DLGAP1: variants seen among roughly 807,000 people sequenced by gnomAD.
DLGAP1 encodes the protein disks large-associated protein 1.
Under a neutral mutation model 90.8 loss-of-function variants are expected in DLGAP1, and 11 were observed. That is an observed-to-expected ratio of 0.12 (90% CI 0.08 to 0.20). DLGAP1 has a LOEUF of 0.20. Ranked by LOEUF, DLGAP1 falls within the 10% of genes least tolerant of loss-of-function variation. The probability of loss-of-function intolerance (pLI) is 1.00; values close to 1 mark genes in which losing one functional copy is unlikely to be tolerated. For synonymous variants in DLGAP1, 558 were observed against 540.7 expected (o/e 1.03, Z -0.44); for missense variants, 1,050 against 1,333.8 (o/e 0.79, Z 3.31).
At chr18:3,930,985 C>T (rs544895807) in intron 3 of DLGAP1, among the ~76,000 whole-genome samples, 28 of 152,302 alleles carry the variant, frequency 1.8e-4, no homozygotes, top group Non-Finnish European at 2.9e-4. Context: ...TACCCGTCTC[C>T]ACCATTTTCT....
At chr18:4,142,612 G>C (rs1428878631) in intron 2 of DLGAP1, among the ~76,000 whole-genome samples, 1 of 152,146 alleles carries the variant, frequency 6.6e-6, no homozygotes, top group Non-Finnish European at 1.5e-5. Context: ...GACATAAAAA[G>C]TATAGAACGG....
At chr18:4,398,456 A>C (rs2082483196) in intron 1 of DLGAP1, among the ~76,000 whole-genome samples, 1 of 152,244 alleles carries the variant, frequency 6.6e-6, no homozygotes. Flanking sequence ...ATACCAACTG[A>C]AATTACACAT....
chr18:4,175,717 C>T (rs867291110), intron 1 of DLGAP1, among the ~76,000 whole-genome samples: 8 of 152,140 alleles, frequency 5.3e-5, no homozygotes, highest in East Asian at 3.9e-4. Flanking sequence ...TGTCAAAGAC[C>T]GGATGTTTAT....
At chr18:4,366,909 T>G (rs1351457405) in intron 1 of DLGAP1, among the ~76,000 whole-genome samples, 1 of 142,974 alleles carries the variant, frequency 7.0e-6, no homozygotes, top group African/African-American at 2.6e-5. Context: ...ATAGGCAAAT[T>G]ACAAAGTTAT....
At chr18:4,234,655 T>C (rs1376342861) in intron 1 of DLGAP1, among the ~76,000 whole-genome samples, 1 of 152,220 alleles carries the variant, frequency 6.6e-6, no homozygotes, top group Admixed American at 6.5e-5. Context: ...CTTTGAATCA[T>C]ATTTTAGCAA....
At chr18:4,196,821 AAAACTTTTCACAAAGAG>A (rs1431264387) in intron 1 of DLGAP1, among the ~76,000 whole-genome samples, 14 of 152,354 alleles carry the variant, frequency 9.2e-5, no homozygotes, top group Admixed American at 8.5e-4. Flanking sequence ...GACACATCTT[AAAACTTTTCACAAAGAG>A]AAGCACAATT....
intron 9 of DLGAP1, among the ~76,000 whole-genome samples, chr18:3,550,163 C>T (rs560327413): frequency 3.3e-5 from 5 of 152,148 alleles, no homozygotes; most frequent in South Asian, 2.1e-4. Context: ...CCACCTGCCT[C>T]GGCCTCCCAA....
In DLGAP1 at chr18:3,814,148, C is replaced by T. The variant is rs3786431; in HGVS notation, c.1083G>A (p.Thr361=). The T allele has an allele frequency of 1.5e-5, 24 of 1,613,772 alleles. 1 individual carries two copies. The highest frequency in any genetic ancestry group is 1.3e-4 in the South Asian group (12 of 91,074). ...CAACTTTTGGAGAAGGCTTAGGACT[C>T]GTGTCTGAGTCTCCACTGTCTTCAT... The part of the protein sequence containing the change: ...MGDEDSGDSD[T]SPKPSPKVAA... Residue 361 remains threonine, a synonymous_variant, in exon 5 of 13, where the codon ACG becomes ACA. Coordinates refer to ENST00000315677, the MANE Select transcript of DLGAP1 (RefSeq NM_004746.4).
chr18:3,547,213 A>C (rs951758990), intron 9 of DLGAP1, among the ~76,000 whole-genome samples: 2 of 148,204 alleles, frequency 1.3e-5, no homozygotes, highest in African/African-American at 5.0e-5. Flanking sequence ...AGGCAGGAGA[A>C]TGGCTTGAAC....
At chr18:3,624,836 A>G (rs930879453) in intron 7 of DLGAP1, among the ~76,000 whole-genome samples, 1 of 152,134 alleles carries the variant, frequency 6.6e-6, no homozygotes, top group Non-Finnish European at 1.5e-5. Context: ...GAATCTCAAG[A>G]GCAAACTAAT....
At chr18:3,991,010 T>C (rs1006666759) in intron 3 of DLGAP1, among the ~76,000 whole-genome samples, 6 of 152,134 alleles carry the variant, frequency 3.9e-5, no homozygotes, top group Non-Finnish European at 5.9e-5. Context: ...TTATTTTAGG[T>C]TCAAGGGGTA....
At chr18:4,203,436 C>G (rs963183881) in intron 1 of DLGAP1, among the ~76,000 whole-genome samples, 2 of 152,064 alleles carry the variant, frequency 1.3e-5, no homozygotes, top group African/African-American at 4.8e-5. Context: ...GAATCGAGTT[C>G]CATTTTTCAA....
Position 3,574,778 on chromosome 18 carries a change from C to CTTTTT in DLGAP1, c.1965+7092_1965+7096dup, listed in dbSNP as rs1199667477. ...AAATTATGAATCCAAGATAATGTGC[C>CTTTTT]TTTTTATTTTATTTTATTTTATTTT... On this transcript the variant is annotated intron_variant, in intron 8 of 12. Transcript: ENST00000315677. 3.1e-5 allele frequency among the ~76,000 whole-genome samples: 4 copies of CTTTTT among 128,778 alleles called. No homozygotes were observed. In the South Asian group the frequency reaches 7.9e-4, roughly 25 times the overall value. 84.5% of individuals were successfully genotyped at this position (128,778 alleles called of 152,430 possible).
chr18:3,937,932 G>A (rs2072678920), intron 3 of DLGAP1, among the ~76,000 whole-genome samples: 1 of 152,164 alleles, frequency 6.6e-6, no homozygotes, highest in African/African-American at 2.4e-5. Flanking sequence ...TTCCTCAGCT[G>A]TACAGTGGAA....
At position 3,646,909 on chromosome 18, in the gene DLGAP1, G is replaced by A. The variant is rs537287398; in HGVS notation, c.1592-64661C>T. Among the ~76,000 whole-genome samples, 35 of 151,124 alleles carry A rather than the reference G, an allele frequency of 2.3e-4. No individual in the cohort carries two copies. The East Asian group carries it at 3.9e-3, about 17-fold the overall frequency. On this transcript the variant is annotated intron_variant, in intron 7 of 12. Transcript: ENST00000315677. ...TACTGCACTTCAGCCTGGGCAACAGGGCGAGACTCCATCTCAAAATAAATA... is the reference window on the plus strand; with the variant it reads ...TACTGCACTTCAGCCTGGGCAACAGAGCGAGACTCCATCTCAAAATAAATA...
intron 2 of DLGAP1, among the ~76,000 whole-genome samples, chr18:4,099,626 T>A (rs1040024243): frequency 1.3e-5 from 2 of 152,086 alleles, no homozygotes; most frequent in African/African-American, 4.8e-5. Context: ...TTTACCTCAA[T>A]GTTGGTGGCT....
At chr18:3,843,121 T>C (rs1329351512) in intron 4 of DLGAP1, among the ~76,000 whole-genome samples, 1 of 152,188 alleles carries the variant, frequency 6.6e-6, no homozygotes, top group Non-Finnish European at 1.5e-5. Flanking sequence ...CTTTGATGTG[T>C]GTGTGTATAT....
chr18:4,171,082 T>C (rs1242315265), intron 1 of DLGAP1, among the ~76,000 whole-genome samples: 1 of 126,168 alleles, frequency 7.9e-6, no homozygotes, highest in Admixed American at 8.2e-5. Context: ...TCATTTTCTA[T>C]ATAGAATGAA....
intron 3 of DLGAP1, among the ~76,000 whole-genome samples, chr18:3,912,024 C>A (rs117709096): frequency 1.3e-5 from 2 of 152,150 alleles, no homozygotes; most frequent in Non-Finnish European, 2.9e-5. Context: ...TTTTAGTAAG[C>A]GCTTCAGGCT....
Sources: allele counts gnomAD v4.1 joint callset (sites outside exome capture counted in the v4.1 genomes callset), GRCh38; gene constraint gnomAD v4.1.1; transcripts MANE v1.5; gene names NCBI Gene and HGNC (gene_info 2026-07-23, HGNC 2026-07-21).